Variants in SLC9A9 observed in about 807,000 individuals in gnomAD.
SLC9A9 encodes sodium/hydrogen exchanger 9.
Under a neutral mutation model 77.8 loss-of-function variants are expected in SLC9A9, and 62 were observed. The ratio of observed to expected loss-of-function variants is 0.80; its 90% CI spans 0.65 to 0.98. SLC9A9 has a LOEUF of 0.98. Among genes scored for constraint, SLC9A9 ranks in the 50% least tolerant of loss-of-function variants. The pLI, the probability that SLC9A9 is intolerant of heterozygous loss-of-function variation, is 0.00. For synonymous variants in SLC9A9, 320 were observed against 283.5 expected, an observed-to-expected ratio of 1.13 and a Z score of -1.29; for missense variants, 775 against 774.9, an observed-to-expected ratio of 1.00 and a Z score of 0.00.
intron 12 of SLC9A9, among the ~76,000 whole-genome samples, chr3:143,455,091 G>C (rs2035066973): frequency 6.6e-6 from 1 of 152,206 alleles, no homozygotes; most frequent in Non-Finnish European, 1.5e-5. Context: ...TCAGGATGGG[G>C]AGGGGCAGAA....
chr3:143,742,240 C>G (rs1350066822), intron 4 of SLC9A9, among the ~76,000 whole-genome samples: 1 of 152,098 alleles, frequency 6.6e-6, no homozygotes, highest in African/African-American at 2.4e-5. Context: ...AATCTCTGAC[C>G]AATCAGCACA....
At position 143,578,591 on chromosome 3, in the gene SLC9A9, T is replaced by C; in HGVS notation, c.888A>G (p.Thr296=). ...FAMGSAYAII[T]ALLTKFTKLC... ...ACATACAGACAAAGGATATCAGTGC[T>C]GTGATGATGGCATACGCAGACCCCA... The change falls in exon 7 of 16, where the codon ACA becomes ACG. Residue 296 remains threonine (T), a synonymous_variant. Coordinates refer to ENST00000316549, the MANE Select transcript of SLC9A9 (RefSeq NM_173653.4). 6.2e-7 allele frequency: 1 copy of C among 1,613,966 alleles called. No homozygotes were observed. Among genetic ancestry groups the C allele is most frequent in the Non-Finnish European group, 8.5e-7 (1 of 1,179,870 alleles).
chr3:143,306,265 C>T (rs2030777964), intron 14 of SLC9A9, among the ~76,000 whole-genome samples: 1 of 152,164 alleles, frequency 6.6e-6, no homozygotes, highest in African/African-American at 2.4e-5. Context: ...GCCCTTTCTG[C>T]CCTTATTCTC....
At chr3:143,371,522 G>T (rs1435022241) in intron 13 of SLC9A9, among the ~76,000 whole-genome samples, 2 of 152,138 alleles carry the variant, frequency 1.3e-5, no homozygotes, top group African/African-American at 2.4e-5. Context: ...AAGCAGGAAA[G>T]CATGACCTGA....
At chr3:143,459,797 C>A (rs1378328668) in intron 12 of SLC9A9, among the ~76,000 whole-genome samples, 1 of 152,092 alleles carries the variant, frequency 6.6e-6, no homozygotes, top group African/African-American at 2.4e-5. Context: ...CACAGTGCTG[C>A]ATATTTTCTA....
chr3:143,343,453 G>C (rs1159874010), intron 14 of SLC9A9: 1 of 152,146 alleles, frequency 6.6e-6, no homozygotes, highest in African/African-American at 2.4e-5. Context: ...AGCTAGGCAA[G>C]AACTGCCACA....
intron 12 of SLC9A9, among the ~76,000 whole-genome samples, chr3:143,418,025 G>C (rs182385035): frequency 1.0e-3 from 155 of 151,812 alleles, no homozygotes; most frequent in African/African-American, 3.1e-3. Flanking sequence ...CCTAGCAAGA[G>C]AGTCTGTTTT....
chr3:143,303,624 A>T (rs1559859542), intron 14 of SLC9A9, among the ~76,000 whole-genome samples: 1 of 152,174 alleles, frequency 6.6e-6, no homozygotes, highest in Admixed American at 6.5e-5. Context: ...CTTTGGAAAG[A>T]TATTATTTGC....
In SLC9A9 at chr3:143,688,142, G is replaced by A. The variant is rs140164761; in HGVS notation, c.649+5050C>T. On this transcript the variant is annotated intron_variant, in intron 5 of 15. Transcript: ENST00000316549. ...TCTCTCTCTCTTTCTTTTGAGATGG[G>A]GTTTTGCTATGTTGTTCAGGCTGAT... 5.2e-3 allele frequency among the ~76,000 whole-genome samples: 780 copies of A among 150,118 alleles called. 5 individuals carry two copies. The highest frequency in any genetic ancestry group is 0.017 in the African/African-American group (693 of 40,764).
chr3:143,701,566 A>G (rs183418842), intron 4 of SLC9A9, among the ~76,000 whole-genome samples: 6 of 152,256 alleles, frequency 3.9e-5, no homozygotes, highest in African/African-American at 1.4e-4. Context: ...CAAGCAGAAG[A>G]AAGAATTAGT....
Position 143,756,927 on chromosome 3 carries a change from G to T in SLC9A9, c.533+38074C>A, listed in dbSNP as rs1032169580. Among the ~76,000 whole-genome samples the T allele has an allele frequency of 1.6e-4, 25 of 152,066 alleles. 1 individual carries two copies. Among genetic ancestry groups the T allele is most frequent in the Non-Finnish European group, 7.4e-5 (5 of 67,990 alleles). ...AATGCTTCTGTTTTTATTTTTAATTGTGCTGTTACTGTAAACTGCCTCAAA... is the reference window on the plus strand; with the variant it reads ...AATGCTTCTGTTTTTATTTTTAATTTTGCTGTTACTGTAAACTGCCTCAAA... On this transcript the variant is annotated intron_variant, in intron 4 of 15. Transcript: ENST00000316549.
chr3:143,679,593 C>G (rs1933014774), intron 5 of SLC9A9, among the ~76,000 whole-genome samples: 1 of 152,182 alleles, frequency 6.6e-6, no homozygotes, highest in Admixed American at 6.5e-5. Context: ...AAAAATGTCT[C>G]CACAGTTAAT....
chr3:143,806,499 T>C (rs1309267036), intron 2 of SLC9A9, among the ~76,000 whole-genome samples: 1 of 152,154 alleles, frequency 6.6e-6, no homozygotes, highest in Admixed American at 6.5e-5. Flanking sequence ...TTGCTCAATA[T>C]ATATTTGCTC....
At chr3:143,595,505 A>T (rs73146798) in intron 6 of SLC9A9, among the ~76,000 whole-genome samples, 85 of 152,284 alleles carry the variant, frequency 5.6e-4, no homozygotes, top group Non-Finnish European at 1.1e-3. Context: ...ACATCCTTCA[A>T]TCTTGCTTAA....
rs888842619 is a variant in SLC9A9 at position 143,725,887 on chromosome 3, A to G, written c.534-32580T>C. Among the ~76,000 whole-genome samples the G allele has an allele frequency of 1.2e-4, 5 of 42,426 alleles. No homozygotes were observed. The East Asian group carries it at 6.1e-3, about 51-fold the overall frequency. The allele number at this position is 42,426 out of a possible 152,430, so 27.8% of individuals were successfully genotyped here. A position where few individuals can be genotyped will look rare whatever the true frequency, so the allele number is the denominator to read the frequency against. ...TGTACCCTAAAACTTAAAGTATAAT[A>G]ATAATAAAAAAAAGAAAAAAATGAT... On this transcript the variant is annotated intron_variant, in intron 4 of 15. Coordinates refer to ENST00000316549, the MANE Select transcript of SLC9A9 (RefSeq NM_173653.4).
At chr3:143,306,283 C>T (rs2030778762) in intron 14 of SLC9A9, among the ~76,000 whole-genome samples, 1 of 152,206 alleles carries the variant, frequency 6.6e-6, no homozygotes, top group South Asian at 2.1e-4. Context: ...CTCAAATCCA[C>T]ACACCTTCCT....
At chr3:143,387,597 C>T (rs974287870) in intron 12 of SLC9A9, among the ~76,000 whole-genome samples, 1 of 152,086 alleles carries the variant, frequency 6.6e-6, no homozygotes, top group Admixed American at 6.5e-5. Context: ...TGCACATATT[C>T]CCAGCTGTGC....
At chr3:143,424,700 A>C (rs2034371743) in intron 12 of SLC9A9, among the ~76,000 whole-genome samples, 1 of 152,202 alleles carries the variant, frequency 6.6e-6, no homozygotes, top group South Asian at 2.1e-4. Context: ...TCACAATAAA[A>C]AGTTATCTTC....
chr3:143,395,703 A>G (rs2033710850), intron 12 of SLC9A9, among the ~76,000 whole-genome samples: 2 of 152,208 alleles, frequency 1.3e-5, no homozygotes, highest in African/African-American at 4.8e-5. Context: ...TAGTCATCTG[A>G]CGAAGGGCTA....
Sources: gnomAD v4.1 joint callset for allele counts (sites outside exome capture counted in the v4.1 genomes callset) on GRCh38, gnomAD v4.1.1 for gene constraint, MANE v1.5 for transcripts, NCBI Gene and HGNC (gene_info 2026-07-23, HGNC 2026-07-21) for gene names.